EXOC4: variants seen among roughly 807,000 people sequenced by gnomAD.
The protein encoded by EXOC4 is SEC8-like 1.
EXOC4 carries 71 observed loss-of-function variants against 107.2 expected under a neutral mutation model. The observed-to-expected ratio is 0.66, with a 90% CI of 0.55 to 0.81. The LOEUF is 0.81. EXOC4 is among the 30% of genes least tolerant of loss of function. EXOC4 has a pLI of 0.00. For missense variants in EXOC4, 1,108 were observed against 1,189.6 expected (o/e 0.93, Z 1.01); for synonymous variants, 456 against 441.2 (o/e 1.03, Z -0.42).
chr7:133,877,165 C>T (rs118164299), intron 11 of EXOC4, among the ~76,000 whole-genome samples: 2,764 of 151,734 alleles, frequency 0.018, 36 homozygotes, highest in Admixed American at 0.028. Context: ...CTGTTTCTGC[C>T]GTGTTTATAT....
chr7:133,780,524 G>C (rs1243522226), intron 10 of EXOC4, among the ~76,000 whole-genome samples: 1 of 152,070 alleles, frequency 6.6e-6, no homozygotes, highest in East Asian at 1.9e-4. Flanking sequence ...ATAGAGACGG[G>C]ATCTTGTTTG....
intron 12 of EXOC4, among the ~76,000 whole-genome samples, chr7:133,917,363 G>A (rs73156933): frequency 0.12 from 17,742 of 152,138 alleles, 1,141 homozygotes; most frequent in Middle Eastern, 0.15. Context: ...CAACTGTCAC[G>A]ATTACTCAAC....
chr7:133,706,537 C>T (rs1215796021), intron 10 of EXOC4, among the ~76,000 whole-genome samples: 1 of 152,034 alleles, frequency 6.6e-6, no homozygotes, highest in Non-Finnish European at 1.5e-5. Context: ...ATAATATGAG[C>T]CACATTTAAA....
In EXOC4 at chr7:133,982,362, C is replaced by CT. The variant is rs567554175; in HGVS notation, c.2207-15129dup. Among the ~76,000 whole-genome samples, 367 of 152,248 alleles carry CT rather than the reference C, an allele frequency of 2.4e-3. 5 individuals are homozygous for CT. Among genetic ancestry groups the CT allele is most frequent in the African/African-American group, 8.3e-3 (343 of 41,546 alleles). The stretch of plus-strand genomic sequence containing the variant: ...GGTCAGGAGATCGAGACCATCCTGG[C>CT]TAACACAGTGAAACCACGTCTCTAC... On this transcript the variant is annotated intron_variant, in intron 14 of 17. Transcript: ENST00000253861.
In EXOC4 at chr7:134,007,708, A is replaced by G. The variant is rs778325501; in HGVS notation, c.2560A>G (p.Asn854Asp). 8 of 1,613,364 alleles carry G rather than the reference A, an allele frequency of 5.0e-6. No homozygotes were observed. The East Asian group carries it at 1.8e-4, about 36-fold the overall frequency. The change falls in exon 17 of 18, where the codon AAT becomes GAT. Residue 854 changes from asparagine to aspartate, a missense_variant. By Grantham distance (23) the Asn-to-Asp change is conservative (BLOSUM62 1). Coordinates refer to ENST00000253861, the MANE Select transcript of EXOC4 (RefSeq NM_021807.4). ...LGHLISCILI[N>D]GAQYFRRISE... ...CCACCTGATCTCCTGCATCCTCATT[A>G]ATGGTGCCCAGTACTTCAGGCGCAT...
chr7:133,313,349 A>G (rs1794919153), intron 4 of EXOC4, among the ~76,000 whole-genome samples: 1 of 152,096 alleles, frequency 6.6e-6, no homozygotes, highest in South Asian at 2.1e-4. Flanking sequence ...CTGTTTCATT[A>G]TTTGGTGAAG....
intron 9 of EXOC4, among the ~76,000 whole-genome samples, chr7:133,549,881 AG>A (rs2150940296): frequency 6.6e-6 from 1 of 152,298 alleles, no homozygotes; most frequent in South Asian, 2.1e-4. Flanking sequence ...TGACTTTGAA[AG>A]TATCATCTGG....
chr7:133,959,772 A>G (rs933172350), intron 14 of EXOC4, among the ~76,000 whole-genome samples: 2 of 152,154 alleles, frequency 1.3e-5, no homozygotes, highest in African/African-American at 2.4e-5. Context: ...ATGATTTGTC[A>G]AAAGTGGCAG....
At chr7:133,792,674 T>C (rs1194370931) in intron 10 of EXOC4, among the ~76,000 whole-genome samples, 1 of 149,502 alleles carries the variant, frequency 6.7e-6, no homozygotes, top group Non-Finnish European at 1.5e-5. Flanking sequence ...AGAAGAAAAT[T>C]GTTCACAATG....
intron 17 of EXOC4, among the ~76,000 whole-genome samples, chr7:134,063,653 G>T (rs781101516): frequency 1.8e-4 from 27 of 152,068 alleles, no homozygotes; most frequent in Non-Finnish European, 3.2e-4. Flanking sequence ...CCTTGTCTCC[G>T]AGCTACTTGA....
At chr7:133,418,028 T>G (rs1401936807) in intron 7 of EXOC4, among the ~76,000 whole-genome samples, 1 of 152,220 alleles carries the variant, frequency 6.6e-6, no homozygotes, top group African/African-American at 2.4e-5. Flanking sequence ...CTTCCCACTT[T>G]CATCTCCACT....
chr7:133,534,984 G>A (rs1216211638), intron 9 of EXOC4, among the ~76,000 whole-genome samples: 1 of 152,118 alleles, frequency 6.6e-6, no homozygotes, highest in African/African-American at 2.4e-5. Context: ...TGCCTATGAG[G>A]CAGAATACTT....
At chr7:133,333,432 C>A (rs1271425347) in intron 5 of EXOC4, among the ~76,000 whole-genome samples, 1 of 151,878 alleles carries the variant, frequency 6.6e-6, no homozygotes, top group East Asian at 1.9e-4. Context: ...CTAAGGAGAT[C>A]TGGTTTTTTT....
At chr7:133,690,679 A>T (rs561052929) in intron 10 of EXOC4, among the ~76,000 whole-genome samples, 2 of 152,294 alleles carry the variant, frequency 1.3e-5, no homozygotes, top group African/African-American at 2.4e-5. Flanking sequence ...ATAACAGAAG[A>T]CAGATTAACA....
chr7:133,913,648 G>C (rs1799744733), intron 12 of EXOC4, among the ~76,000 whole-genome samples: 1 of 152,202 alleles, frequency 6.6e-6, no homozygotes, highest in African/African-American at 2.4e-5. Context: ...GAGAGAGAGA[G>C]AGAAGTAGTT....
At chr7:133,624,350 C>A (rs1347482387) in intron 9 of EXOC4, among the ~76,000 whole-genome samples, 1 of 151,986 alleles carries the variant, frequency 6.6e-6, no homozygotes, top group Non-Finnish European at 1.5e-5. Context: ...TTTGGGAGGC[C>A]AAGGTGGGAG....
At chr7:133,959,924 A>G (rs1800903615) in intron 14 of EXOC4, among the ~76,000 whole-genome samples, 1 of 152,192 alleles carries the variant, frequency 6.6e-6, no homozygotes, top group Non-Finnish European at 1.5e-5. Context: ...GTTCTCAGAA[A>G]ACTTATCTTC....
At chr7:133,716,300 GA>G (rs1295839100) in intron 10 of EXOC4, among the ~76,000 whole-genome samples, 3 of 152,172 alleles carry the variant, frequency 2.0e-5, no homozygotes, top group African/African-American at 7.2e-5. Context: ...CTGTGTTGGA[GA>G]AAACAAATTG....
intron 14 of EXOC4, among the ~76,000 whole-genome samples, chr7:133,969,163 C>T (rs1205545074): frequency 6.6e-6 from 1 of 152,112 alleles, no homozygotes; most frequent in Non-Finnish European, 1.5e-5. Flanking sequence ...ATTCACGAAG[C>T]TGTCATGCTG....
Sources: allele counts gnomAD v4.1 joint callset (sites outside exome capture counted in the v4.1 genomes callset), GRCh38; gene constraint gnomAD v4.1.1; transcripts MANE v1.5; gene names NCBI Gene and HGNC (gene_info 2026-07-23, HGNC 2026-07-21).